The following DDIAS variants were observed in gnomAD, a reference collection of about 807,000 sequenced individuals.
DDIAS encodes the protein DNA damage-induced apoptosis suppressor protein.
DDIAS carries 14 observed loss-of-function variants against 15.7 expected under a neutral mutation model. The observed-to-expected ratio is 0.89, with a 90% CI of 0.59 to 1.39. DDIAS has a LOEUF of 1.39. Ranked by LOEUF, DDIAS falls within the 40% of genes most tolerant of loss-of-function variation. DDIAS has a pLI of 0.00. For missense variants in DDIAS, 1,035 were observed against 1,130.9 expected, an observed-to-expected ratio of 0.92 and a Z score of 1.22; for synonymous variants, 355 against 395.9, an observed-to-expected ratio of 0.90 and a Z score of 1.23.
At position 82,932,505 on chromosome 11, in the gene DDIAS, A is replaced by C. The variant is rs370320711; in HGVS notation, c.1167A>C (p.Ala389=). Residue 389 remains alanine (A), a synonymous_variant, in exon 6 of 6, where the codon GCA becomes GCC. Coordinates refer to ENST00000533655, the MANE Select transcript of DDIAS (RefSeq NM_145018.4). Reference sequence around the variant, plus strand: ...CAACTAGCCTTCAGAAGAGATCTGCATGTTGTCCACCTTCGTTACTCAGAC... The same window carrying C: ...CAACTAGCCTTCAGAAGAGATCTGCCTGTTGTCCACCTTCGTTACTCAGAC... ...DTPTSLQKRS[A]CCPPSLLRLE... The C allele has an allele frequency of 1.4e-5, 23 of 1,614,056 alleles. 1 individual carries two copies. The highest frequency in any genetic ancestry group is 6.6e-5 in the South Asian group (6 of 91,078).
In DDIAS at chr11:82,914,701, C is replaced by T. The variant is rs375533789; in HGVS notation, c.-16-22C>T. ...GCAATGAAAGATTTGCCAGTCATCC[C>T]AATGGCTATTTTGTTTTGCAGACCA... On this transcript the variant is annotated intron_variant, in intron 2 of 5. Coordinates refer to ENST00000533655, the MANE Select transcript of DDIAS (RefSeq NM_145018.4). 1.8e-5 allele frequency: 23 copies of T among 1,264,692 alleles called. No individual in the cohort carries two copies. The African/African-American group carries it at 3.0e-4, about 16-fold the overall frequency. The allele number at this position is 1,264,692 out of a possible 1,614,324, so 78.3% of individuals were successfully genotyped here.
At position 82,931,686 on chromosome 11, in the gene DDIAS, G is replaced by T. The variant is rs1179531535; in HGVS notation, c.394-46G>T. 2.7e-6 allele frequency: 4 copies of T among 1,499,336 alleles called. No individual in the cohort carries two copies. In the Admixed American group the frequency reaches 8.6e-5, roughly 32 times the overall value. 92.9% of individuals were successfully genotyped at this position (1,499,336 alleles called of 1,614,324 possible). A position where few individuals can be genotyped will look rare whatever the true frequency, so the allele number is the denominator to read the frequency against. On this transcript the variant is annotated intron_variant, in intron 5 of 5. Transcript: ENST00000533655. ...ATTTCTGTTTCATGTTTAAGTAAATGGAAGACAATTTTATTCTTACTTAAA... is the reference window on the plus strand; with the variant it reads ...ATTTCTGTTTCATGTTTAAGTAAATTGAAGACAATTTTATTCTTACTTAAA...
intron 1 of DDIAS, among the ~76,000 whole-genome samples, chr11:82,912,386 C>A (rs1328889946): frequency 6.6e-6 from 1 of 152,180 alleles, no homozygotes; most frequent in Non-Finnish European, 1.5e-5. Flanking sequence ...TCTACATCAG[C>A]GCTTGCTGCT....
In DDIAS at chr11:82,934,475, C is replaced by A. The variant is rs1861078796; in HGVS notation, c.*140C>A. ...CAGGACTCTGCTGGGAGCTACTGTGCCTTTTAAAATATAAAGCCATTGTTT... is the reference window on the plus strand; with the variant it reads ...CAGGACTCTGCTGGGAGCTACTGTGACTTTTAAAATATAAAGCCATTGTTT... On this transcript the variant is annotated 3_prime_UTR_variant, in exon 6 of 6. Coordinates refer to ENST00000533655, the MANE Select transcript of DDIAS (RefSeq NM_145018.4). 2 of 810,042 alleles carry A rather than the reference C, an allele frequency of 2.5e-6. No individual in the cohort carries two copies. The highest frequency in any genetic ancestry group is 3.6e-6 in the Non-Finnish European group (2 of 549,718). 50.2% of individuals were successfully genotyped at this position (810,042 alleles called of 1,614,324 possible).
intron 1 of DDIAS, among the ~76,000 whole-genome samples, chr11:82,908,514 C>A (rs532492653): frequency 1.3e-3 from 196 of 152,298 alleles, no homozygotes; most frequent in Non-Finnish European, 2.0e-3. Flanking sequence ...AGGACAATGC[C>A]TTTGTTGACA....
intron 3 of DDIAS, among the ~76,000 whole-genome samples, chr11:82,924,243 G>A (rs1860812193): frequency 6.6e-6 from 1 of 152,122 alleles, no homozygotes; most frequent in Non-Finnish European, 1.5e-5. Context: ...TACTTTGTGT[G>A]TATTTAATCT....
chr11:82,913,659 A>T, intron 2 of DDIAS: 1 of 426,058 alleles, frequency 2.3e-6, no homozygotes, highest in Non-Finnish European at 4.6e-6. Flanking sequence ...TTCAAGATGT[A>T]TCAAATGAGC....
rs1246365425 is a variant in DDIAS at position 82,933,206 on chromosome 11, A to G, written c.1868A>G (p.Asp623Gly). Reference sequence around the variant, plus strand: ...TGTAGGTGGTCCAAGAACCAAGATGACAGTTTTACAATTTGCAGGAAACTT... The same window carrying G: ...TGTAGGTGGTCCAAGAACCAAGATGGCAGTTTTACAATTTGCAGGAAACTT... ...QYCRWSKNQDDSFTICRKLTY... is the reference protein window; with the variant it reads ...QYCRWSKNQDGSFTICRKLTY... The change falls in exon 6 of 6, where the codon GAC (aspartate) becomes GGC (glycine). Residue 623 changes from aspartate (D) to glycine (G), a missense_variant. Physicochemically the swap from Asp to Gly is moderately conservative, Grantham distance 94. Coordinates refer to ENST00000533655, the MANE Select transcript of DDIAS (RefSeq NM_145018.4). 1 of 1,612,420 alleles carries G rather than the reference A, an allele frequency of 6.2e-7. No homozygotes were observed. The highest frequency in any genetic ancestry group is 8.5e-7 in the Non-Finnish European group (1 of 1,179,732).
intron 1 of DDIAS, among the ~76,000 whole-genome samples, chr11:82,902,754 C>G (rs772043998): frequency 2.8e-4 from 42 of 152,290 alleles, no homozygotes; most frequent in South Asian, 4.1e-4. Context: ...AATCAGAAAC[C>G]CTTTCCTGAC....
intron 3 of DDIAS, among the ~76,000 whole-genome samples, chr11:82,918,617 T>A (rs910132509): frequency 1.3e-5 from 2 of 152,156 alleles, no homozygotes; most frequent in African/African-American, 2.4e-5. Flanking sequence ...CTGTGAAGAA[T>A]GATGGTGGTA....
In DDIAS at chr11:82,924,489, A is replaced by G. The variant is rs572247254; in HGVS notation, c.114-4288A>G. 2.0e-5 allele frequency among the ~76,000 whole-genome samples: 3 copies of G among 152,328 alleles called. No individual in the cohort carries two copies. In the South Asian group the frequency reaches 6.2e-4, roughly 32 times the overall value. On this transcript the variant is annotated intron_variant, in intron 3 of 5. Transcript: ENST00000533655. ...GATTACTTATCTCACCAGTTCTTCT[A>G]CATCTGGGCTAAATATAAGTACGCT...
At chr11:82,931,430 C>T (rs1266554382) in intron 5 of DDIAS, among the ~76,000 whole-genome samples, 6 of 152,226 alleles carry the variant, frequency 3.9e-5, no homozygotes, top group Admixed American at 3.9e-4. Context: ...TGGCTCACTG[C>T]AGCCTTGACC....
In DDIAS at chr11:82,932,338, G is replaced by T; in HGVS notation, c.1000G>T (p.Val334Phe). ...AVHSSHHEIG[V>F]NDSNLFSLEM... is the part of the protein sequence containing the mutation. The stretch of plus-strand genomic sequence containing the variant: ...TCACAGCAGTCATCATGAAATTGGA[G>T]TTAATGACTCTAATTTATTCTCTTT... Residue 334 changes from valine to phenylalanine, a missense_variant, in exon 6 of 6, where the codon GTT becomes TTT. Coordinates refer to ENST00000533655, the MANE Select transcript of DDIAS (RefSeq NM_145018.4). 1 of 1,614,052 alleles carries T rather than the reference G, an allele frequency of 6.2e-7. No homozygotes were observed. The highest frequency in any genetic ancestry group is 8.5e-7 in the Non-Finnish European group (1 of 1,179,918).
intron 3 of DDIAS, among the ~76,000 whole-genome samples, chr11:82,928,246 T>A (rs561637788): frequency 7.7e-6 from 1 of 129,686 alleles, no homozygotes; most frequent in African/African-American, 2.9e-5. Context: ...CCCCCCAGGC[T>A]GTAGTGCAGT....
At chr11:82,919,829 C>T (rs59674022) in intron 3 of DDIAS, among the ~76,000 whole-genome samples, 88 of 152,216 alleles carry the variant, frequency 5.8e-4, no homozygotes, top group African/African-American at 2.0e-3. Context: ...CCTCTCTTCA[C>T]GCCATTCTGC....
intron 5 of DDIAS, among the ~76,000 whole-genome samples, chr11:82,931,319 A>G (rs1297897216): frequency 6.6e-6 from 1 of 152,084 alleles, no homozygotes; most frequent in Non-Finnish European, 1.5e-5. Flanking sequence ...GATGGAGGTA[A>G]TAGTTGTATC....
At chr11:82,929,431 C>T (rs967410617) in intron 4 of DDIAS, among the ~76,000 whole-genome samples, 8 of 152,174 alleles carry the variant, frequency 5.3e-5, no homozygotes, top group African/African-American at 1.9e-4. Context: ...TGGCCGGGCG[C>T]GGTAGCTCAC....
intron 3 of DDIAS, among the ~76,000 whole-genome samples, chr11:82,924,062 C>T (rs918112002): frequency 3.3e-5 from 5 of 152,188 alleles, no homozygotes; most frequent in East Asian, 1.9e-4. Context: ...TAGGACTCAT[C>T]GCTCAGAGGC....
intron 3 of DDIAS, among the ~76,000 whole-genome samples, chr11:82,928,460 A>G (rs1860914541): frequency 6.6e-6 from 1 of 151,690 alleles, no homozygotes; most frequent in South Asian, 2.1e-4. Flanking sequence ...CGGCCTCCCA[A>G]AGTGCTGGGA....
Sources: allele counts gnomAD v4.1 joint callset (sites outside exome capture counted in the v4.1 genomes callset), GRCh38; gene constraint gnomAD v4.1.1; transcripts MANE v1.5; gene names NCBI Gene and HGNC (gene_info 2026-07-23, HGNC 2026-07-21).